The following CCSER1 variants were observed in gnomAD, a reference collection of about 807,000 sequenced individuals.
CCSER1 encodes the protein coiled-coil serine rich protein 1, also known as serine-rich coiled-coil domain-containing protein 1.
In CCSER1, 41 loss-of-function variants were observed where a neutral mutation model predicts 82.0. The ratio of observed to expected loss-of-function variants is 0.50; its 90% confidence interval spans 0.39 to 0.65. The LOEUF (loss-of-function observed/expected upper bound fraction) is 0.65, where lower values mean the gene tolerates loss of function less well. Among genes scored for constraint, CCSER1 ranks in the 30% least tolerant of loss-of-function variants. The probability of loss-of-function intolerance (pLI) is 0.00; values close to 1 mark genes in which losing one functional copy is unlikely to be tolerated. For synonymous variants in CCSER1, 414 were observed against 383.9 expected, an observed-to-expected ratio of 1.08 and a Z score of -0.92; for missense variants, 1,119 against 1,064.2, an observed-to-expected ratio of 1.05 and a Z score of -0.72.
At chr4:91,383,018 A>T (rs967394420) in intron 10 of CCSER1, among the ~76,000 whole-genome samples, 7 of 151,990 alleles carry the variant, frequency 4.6e-5, no homozygotes, top group Non-Finnish European at 1.0e-4. Flanking sequence ...TTTTAGCAAT[A>T]AAGGATTTTT....
chr4:90,882,730 A>G (rs1436639475), intron 8 of CCSER1, among the ~76,000 whole-genome samples: 11 of 151,942 alleles, frequency 7.2e-5, no homozygotes, highest in Non-Finnish European at 1.6e-4. Context: ...AATTCATTCT[A>G]TGATTTGAAT....
chr4:91,175,048 C>T (rs996081256), intron 10 of CCSER1, among the ~76,000 whole-genome samples: 1 of 152,096 alleles, frequency 6.6e-6, no homozygotes, highest in African/African-American at 2.4e-5. Context: ...GGTCAATTCC[C>T]ACCTATGAGT....
Position 90,821,073 on chromosome 4 carries a change from G to A in CCSER1, c.2094+5228G>A, listed in dbSNP as rs539978110. ...GAAATAAGGGCCGCAGAGGGATCCT[G>A]TGGATTTCTATTCCCCACCCACTTA... On this transcript the variant is annotated intron_variant, in intron 8 of 10. Coordinates refer to ENST00000509176, the MANE Select transcript of CCSER1 (RefSeq NM_001145065.2). Among the ~76,000 whole-genome samples, 6 of 152,244 alleles carry A rather than the reference G, an allele frequency of 3.9e-5. No homozygotes were observed. The South Asian group carries it at 1.2e-3, about 32-fold the overall frequency.
intron 1 of CCSER1, among the ~76,000 whole-genome samples, chr4:90,147,930 C>T (rs1457653097): frequency 2.6e-5 from 4 of 152,042 alleles, no homozygotes; most frequent in African/African-American, 7.2e-5. Context: ...TTTGGGAGGC[C>T]GAGATGGATA....
At position 90,564,713 on chromosome 4, in the gene CCSER1, T is replaced by A. The variant is rs1291405174; in HGVS notation, c.1725-63312T>A. On this transcript the variant is annotated intron_variant, in intron 5 of 10. Transcript: ENST00000509176. The stretch of plus-strand genomic sequence containing the variant: ...TTTTTTTTTTTAATATGGTGTGAGA[T>A]AAGAGTCTAATTCATTCTTCTTCAT... 2.0e-5 allele frequency among the ~76,000 whole-genome samples: 3 copies of A among 151,740 alleles called. No homozygotes were observed. The East Asian group carries it at 5.8e-4, about 29-fold the overall frequency.
At chr4:90,232,030 G>T (rs900833203) in intron 1 of CCSER1, among the ~76,000 whole-genome samples, 7 of 152,178 alleles carry the variant, frequency 4.6e-5, no homozygotes, top group African/African-American at 1.7e-4. Context: ...TCAATATCTT[G>T]AAAATGGCCA....
Position 90,282,043 on chromosome 4 carries a change from C to A in CCSER1, c.-41-26201C>A, listed in dbSNP as rs141141740. Among the ~76,000 whole-genome samples, 13 of 152,068 alleles carry A rather than the reference C, an allele frequency of 8.5e-5. No individual in the cohort carries two copies. In the East Asian group the frequency reaches 2.5e-3, roughly 29 times the overall value. The stretch of plus-strand genomic sequence containing the variant: ...GAGCAAAGCATTCTGTTATCAATAG[C>A]GCTGTACTCAGATACCAGCATGTGA... On this transcript the variant is annotated intron_variant, in intron 1 of 10. Transcript: ENST00000509176.
Position 90,320,627 on chromosome 4 carries a change from A to C in CCSER1, c.1509+7580A>C, listed in dbSNP as rs147267205. Among the ~76,000 whole-genome samples, 800 of 152,268 alleles carry C rather than the reference A, an allele frequency of 5.3e-3. 12 individuals carry two copies. The highest frequency in any genetic ancestry group is 0.025 in the Admixed American group (381 of 15,300). The stretch of plus-strand genomic sequence containing the variant: ...CTTGGTCAAATATGGGTAAGCGAAG[A>C]TTTTTAAAATCCGCTGCTATTTTAT... On this transcript the variant is annotated intron_variant, in intron 3 of 10. Coordinates refer to ENST00000509176, the MANE Select transcript of CCSER1 (RefSeq NM_001145065.2).
intron 10 of CCSER1, among the ~76,000 whole-genome samples, chr4:91,098,698 C>T (rs867481944): frequency 2.6e-5 from 4 of 151,998 alleles, no homozygotes; most frequent in Non-Finnish European, 4.4e-5. Context: ...TGTACCACCA[C>T]GCCCAGCTAA....
At chr4:91,152,053 TG>T (rs1730267304) in intron 10 of CCSER1, among the ~76,000 whole-genome samples, 1 of 152,218 alleles carries the variant, frequency 6.6e-6, no homozygotes, top group African/African-American at 2.4e-5. Context: ...CTCGTTGATC[TG>T]TCTCATGTTG....
intron 8 of CCSER1, among the ~76,000 whole-genome samples, chr4:90,880,998 C>T (rs1245927703): frequency 6.6e-6 from 1 of 150,786 alleles, no homozygotes; most frequent in Admixed American, 6.6e-5. Context: ...GAGAGAGCCA[C>T]GCACACTAGC....
rs192977654 is a variant in CCSER1 at position 90,972,957 on chromosome 4, C to A, written c.2172+49510C>A. ...AAATAATGTTGAGAGAACTGGATAT[C>A]CATATGTAGAAGAAAGAAACTGGAC... On this transcript the variant is annotated intron_variant, in intron 9 of 10. Transcript: ENST00000509176. Among the ~76,000 whole-genome samples the A allele has an allele frequency of 1.3e-3, 204 of 151,746 alleles. 4 individuals carry two copies. The highest frequency in any genetic ancestry group is 0.011 in the Admixed American group (164 of 15,190).
At chr4:90,971,404 C>G (rs1735097497) in intron 9 of CCSER1, among the ~76,000 whole-genome samples, 1 of 151,890 alleles carries the variant, frequency 6.6e-6, no homozygotes, top group African/African-American at 2.4e-5. Context: ...AAATCCACCC[C>G]CATGGTCCAA....
chr4:91,519,138 C>T (rs1417442842), intron 10 of CCSER1, among the ~76,000 whole-genome samples: 1 of 152,184 alleles, frequency 6.6e-6, no homozygotes, highest in African/African-American at 2.4e-5. Flanking sequence ...TGCTGGAGAC[C>T]TAGGTCAGGA....
chr4:90,304,969 G>T (rs1443005595), intron 1 of CCSER1, among the ~76,000 whole-genome samples: 2 of 151,510 alleles, frequency 1.3e-5, no homozygotes, highest in Non-Finnish European at 2.9e-5. Flanking sequence ...CCAGGCTGGA[G>T]TGCAGTGGCC....
chr4:90,365,275 T>C (rs1422306434), intron 3 of CCSER1, among the ~76,000 whole-genome samples: 2 of 151,890 alleles, frequency 1.3e-5, no homozygotes, highest in Non-Finnish European at 3.0e-5. Context: ...ACATAAATTT[T>C]ATATTTTTAT....
rs148858484 is a variant in CCSER1, at chr4:90,830,753, C to A, written c.2094+14908C>A. Reference sequence around the variant, plus strand: ...ATTTGAGGCAGCCAAACACACCCTTCCTTTTTTCTCTATTGTATAACTTTT... The same window carrying A: ...ATTTGAGGCAGCCAAACACACCCTTACTTTTTTCTCTATTGTATAACTTTT... On this transcript the variant is annotated intron_variant, in intron 8 of 10. Coordinates refer to ENST00000509176, the MANE Select transcript of CCSER1 (RefSeq NM_001145065.2). 9.2e-5 allele frequency among the ~76,000 whole-genome samples: 14 copies of A among 152,234 alleles called. No individual in the cohort carries two copies. The East Asian group carries it at 2.7e-3, about 29-fold the overall frequency.
At chr4:90,964,057 G>T (rs1448278721) in intron 9 of CCSER1, among the ~76,000 whole-genome samples, 1 of 152,002 alleles carries the variant, frequency 6.6e-6, no homozygotes, top group Non-Finnish European at 1.5e-5. Context: ...TACACTATTT[G>T]TGGAGAGCAA....
intron 10 of CCSER1, among the ~76,000 whole-genome samples, chr4:91,393,965 T>G (rs946389699): frequency 6.6e-6 from 1 of 152,108 alleles, no homozygotes; most frequent in Non-Finnish European, 1.5e-5. Flanking sequence ...TTCTATACAT[T>G]TACAAGATGC....
Sources: allele counts gnomAD v4.1 joint callset (sites outside exome capture counted in the v4.1 genomes callset), GRCh38; gene constraint gnomAD v4.1.1; transcripts MANE v1.5; gene names NCBI Gene and HGNC (gene_info 2026-07-23, HGNC 2026-07-21).